TAS2R14: variants seen among roughly 807,000 people sequenced by gnomAD.
TAS2R14 encodes taste 2 receptor member 14.
For synonymous variants in TAS2R14, 131 were observed against 131.0 expected, an observed-to-expected ratio of 1.00 and a Z score of 0.00; for missense variants, 383 against 372.0, an observed-to-expected ratio of 1.03 and a Z score of -0.24.
exon 1 of TAS2R14, chr12:10,938,675 A>G: frequency 6.2e-7 from 1 of 1,614,084 alleles, no homozygotes; most frequent in Non-Finnish European, 8.5e-7. Flanking sequence ...TAATACAATA[A>G]GACTGGAAAA....
At position 10,938,616 on chromosome 12, in the gene TAS2R14, A is replaced by G. The variant is rs202123922; in HGVS notation, c.592T>C (p.Phe198Leu). The G allele has an allele frequency of 1.9e-4, 307 of 1,613,996 alleles. 6 individuals carry two copies. The South Asian group carries it at 2.6e-3, about 14-fold the overall frequency. ...CACATGGAGAAGATGAGGAGAAGAAACATTGCCAGGGACAAAGTAAAGGGT... is the reference window on the plus strand; with the variant it reads ...CACATGGAGAAGATGAGGAGAAGAAGCATTGCCAGGGACAAAGTAAAGGGT... The change falls in exon 1 of 1, where the codon TTT becomes CTT. Residue 198 changes from phenylalanine to leucine, a missense_variant. Physicochemically the swap from Phe to Leu is conservative, Grantham distance 22 (BLOSUM62 0). Transcript: ENST00000537503.
At chr12:10,938,842 T>G in exon 1 of TAS2R14, 1 of 1,613,596 alleles carries the variant, frequency 6.2e-7, no homozygotes, top group Non-Finnish European at 8.5e-7. Context: ...CCCTCCACTT[T>G]AGGTAGAGAA....
At chr12:10,938,267 C>G (rs1950323182) in exon 1 of TAS2R14, 2 of 1,588,178 alleles carry the variant, frequency 1.3e-6, no homozygotes, top group Non-Finnish European at 1.7e-6. Context: ...AGATGATTCT[C>G]TAAATTCTTT....
chr12:10,938,383 A>T (rs777119545), exon 5 of TAS2R14: 1 of 1,614,106 alleles, frequency 6.2e-7, no homozygotes, highest in Admixed American at 1.7e-5. Flanking sequence ...CACATGAGTG[A>T]CATGAAGGAT....
exon 1 of TAS2R14, chr12:10,938,756 T>C (rs537145141): frequency 1.9e-6 from 3 of 1,613,958 alleles, no homozygotes; most frequent in Admixed American, 3.3e-5. Flanking sequence ...GGCATTTATA[T>C]GGATGTTTAT....
intron 4 of TAS2R14, chr12:10,939,156 T>TA: frequency 6.2e-7 from 1 of 1,601,830 alleles, no homozygotes; most frequent in Non-Finnish European, 8.5e-7. Context: ...TTTCCAATTA[T>TA]AAATTCCACA....
chr12:10,938,604 T>C (rs747256478), exon 1 of TAS2R14: 1 of 1,613,940 alleles, frequency 6.2e-7, no homozygotes, highest in Non-Finnish European at 8.5e-7. Flanking sequence ...ATGGAGAAGA[T>C]GAGGAGAAGA....
At chr12:10,939,051 T>C (rs1398434158) in exon 1 of TAS2R14, 3 of 1,613,870 alleles carry the variant, frequency 1.9e-6, no homozygotes, top group Non-Finnish European at 2.5e-6. Flanking sequence ...ATTCGAGAGA[T>C]TGCCAAAGCA....
At chr12:10,938,066 C>T (rs941442572) in exon 1 of TAS2R14, 10 of 488,672 alleles carry the variant, frequency 2.0e-5, no homozygotes, top group South Asian at 1.2e-4. Context: ...TTATAGTATT[C>T]GCATTCTTCT....
exon 1 of TAS2R14, chr12:10,938,637 A>T (rs1950334874): frequency 6.2e-7 from 1 of 1,613,870 alleles, no homozygotes; most frequent in Non-Finnish European, 8.5e-7. Context: ...GACAAAGTAA[A>T]GGGTATGAAA....
chr12:10,938,898 C>A, exon 1 of TAS2R14: 1 of 1,613,800 alleles, frequency 6.2e-7, no homozygotes, highest in Non-Finnish European at 8.5e-7. Flanking sequence ...TAAAAAGTAC[C>A]GAGGCCTGTA....
In TAS2R14 at chr12:10,939,221, A is replaced by G. The variant is rs1320409852; in HGVS notation, c.-14T>C. ...GACACCACCCATTGCCTGTAAGAGC[A>G]TGCCCCAATGTCTAATATCACTGCT... On this transcript the variant is annotated 5_prime_UTR_variant, in exon 1 of 1. An upstream start codon of the reference 5' UTR is lost. Transcript: ENST00000537503. 1.4e-6 allele frequency: 2 copies of G among 1,447,630 alleles called. No individual in the cohort carries two copies. Among genetic ancestry groups the G allele is most frequent in the East Asian group, 2.3e-5 (1 of 44,008 alleles). The allele number at this position is 1,447,630 out of a possible 1,614,324, so 89.7% of individuals were successfully genotyped here. A position where few individuals can be genotyped will look rare whatever the true frequency, so the allele number is the denominator to read the frequency against.
chr12:10,938,250 A>G (rs372464905), exon 1 of TAS2R14: 116 of 1,549,732 alleles, frequency 7.5e-5, no homozygotes, highest in Non-Finnish European at 9.6e-5. Context: ...TTTTTCTAAT[A>G]TATTCAAGAT....
chr12:10,938,465 A>C, exon 1 of TAS2R14: 1 of 1,614,070 alleles, frequency 6.2e-7, no homozygotes, highest in South Asian at 1.1e-5. Context: ...AACTGATATG[A>C]AAAAAGACAG....
exon 1 of TAS2R14, chr12:10,938,031 T>C (rs1950317908): frequency 2.4e-6 from 1 of 411,196 alleles, no homozygotes; most frequent in Non-Finnish European, 4.3e-6. Flanking sequence ...ACAAAATCTA[T>C]ATTATCTGTT....
exon 1 of TAS2R14, chr12:10,938,899 G>C (rs748626893): frequency 1.9e-6 from 3 of 1,613,896 alleles, no homozygotes; most frequent in Non-Finnish European, 2.5e-6. Flanking sequence ...AAAAAGTACC[G>C]AGGCCTGTAG....
chr12:10,938,734 T>C, exon 1 of TAS2R14: 1 of 1,613,918 alleles, frequency 6.2e-7, no homozygotes, highest in East Asian at 2.2e-5. Context: ...TTCTTCTGTA[T>C]CCATTGATAC....
chr12:10,939,080 G>T (rs375585680), intron 4 of TAS2R14: 9 of 1,613,950 alleles, frequency 5.6e-6, no homozygotes, highest in African/African-American at 1.3e-5. Context: ...CCGATCAACC[G>T]AAGAGATCTT....
In TAS2R14 at chr12:10,938,143, A is replaced by C. The variant is rs998428580; in HGVS notation, c.*111T>G. 5 of 716,736 alleles carry C rather than the reference A, an allele frequency of 7.0e-6. No individual in the cohort carries two copies. The African/African-American group carries it at 7.2e-5, about 10-fold the overall frequency. 44.4% of individuals were successfully genotyped at this position (716,736 alleles called of 1,614,324 possible). On this transcript the variant is annotated 3_prime_UTR_variant, in exon 1 of 1. Transcript: ENST00000537503. ...ATATGTTTGGATGGTGTTGATTCCA[A>C]GCATATCTTTGTAAAATTCACAAAG...
Sources: gnomAD v4.1 joint callset for allele counts on GRCh38, gnomAD v4.1.1 for gene constraint, MANE v1.5 for transcripts, NCBI Gene and HGNC (gene_info 2026-07-23, HGNC 2026-07-21) for gene names.